The following STEAP1 variants were observed in gnomAD, a reference collection of about 807,000 sequenced individuals.
STEAP1 encodes the protein STEAP family member 1.
In STEAP1, 30 loss-of-function variants were observed where a neutral mutation model predicts 34.4. The ratio of observed to expected loss-of-function variants is 0.87; its 90% CI spans 0.65 to 1.18. STEAP1 has a LOEUF of 1.18. Among genes scored for constraint, STEAP1 ranks in the 50% most tolerant of loss-of-function variants. STEAP1 has a pLI of 0.00. For missense variants in STEAP1, 318 were observed against 391.1 expected, an observed-to-expected ratio of 0.81 and a Z score of 1.58; for synonymous variants, 116 against 135.3, an observed-to-expected ratio of 0.86 and a Z score of 0.99.
chr7:90,155,495 A>C (rs1794106979), intron 1 of STEAP1, among the ~76,000 whole-genome samples: 1 of 152,168 alleles, frequency 6.6e-6, no homozygotes, highest in African/African-American at 2.4e-5. Context: ...AATATGCTTC[A>C]CTTTTTTTAA....
intron 3 of STEAP1, 98 bp from the exon 4 acceptor site, chr7:90,161,816 G>A (rs1584193929): frequency 1.4e-6 from 2 of 1,477,870 alleles, no homozygotes; most frequent in East Asian, 2.3e-5. Context: ...CTGTTATCAG[G>A]GCTTCATAGT....
Position 90,164,597 on chromosome 7 carries a change from G to T in STEAP1, c.883G>T (p.Val295Phe). ...TACACCTCCAACTTTTATGATAGCT[G>T]TTTTCCTTCCAATTGTTGTCCTGAT... is the stretch of plus-strand genomic sequence containing the variant. ...WYTPPTFMIA[V>F]FLPIVVLIFK... The change falls in exon 5 of 5, where the codon GTT becomes TTT. Residue 295 changes from valine (V) to phenylalanine (F), a missense_variant. Val to Phe is a conservative substitution (Grantham distance 50). Transcript: ENST00000297205. 6.2e-7 allele frequency: 1 copy of T among 1,613,716 alleles called. No individual in the cohort carries two copies. Among genetic ancestry groups the T allele is most frequent in the Non-Finnish European group, 8.5e-7 (1 of 1,179,828 alleles).
chr7:90,159,507 A>G (rs536263724), intron 1 of STEAP1, among the ~76,000 whole-genome samples: 1 of 152,348 alleles, frequency 6.6e-6, no homozygotes, highest in Admixed American at 6.5e-5. Context: ...TGTAATGCAT[A>G]CAGGCACCTG....
At chr7:90,159,403 C>G (rs1054265608) in intron 1 of STEAP1, among the ~76,000 whole-genome samples, 1 of 152,184 alleles carries the variant, frequency 6.6e-6, no homozygotes, top group African/African-American at 2.4e-5. Context: ...ATAATACATT[C>G]CTAATTATAT....
chr7:90,158,359 A>G (rs1281916646), intron 1 of STEAP1, among the ~76,000 whole-genome samples: 4 of 152,204 alleles, frequency 2.6e-5, no homozygotes, highest in Admixed American at 6.5e-5. Flanking sequence ...CTTTTGTAAT[A>G]ACACTTAGCT....
intron 1 of STEAP1, among the ~76,000 whole-genome samples, chr7:90,158,281 T>C (rs1184728927): frequency 2.0e-5 from 3 of 152,074 alleles, no homozygotes; most frequent in Non-Finnish European, 4.4e-5. Flanking sequence ...ATTGAAAAAT[T>C]TTTTTCTTTA....
Position 90,157,257 on chromosome 7 carries a change from G to A in STEAP1, c.-31-2501G>A, listed in dbSNP as rs553526300. ...TCAGGGGCTCTAAATACTGAAATAT[G>A]CCGCCAGGACTCTTCTGTGTCTTTC... is the stretch of plus-strand genomic sequence containing the variant. On this transcript the variant is annotated intron_variant, in intron 1 of 4. Transcript: ENST00000297205. Among the ~76,000 whole-genome samples, 9 of 152,266 alleles carry A rather than the reference G, an allele frequency of 5.9e-5. No individual in the cohort carries two copies. In the South Asian group the frequency reaches 1.9e-3, roughly 32 times the overall value.
chr7:90,155,639 T>A (rs1188160646), intron 1 of STEAP1, among the ~76,000 whole-genome samples: 2 of 152,240 alleles, frequency 1.3e-5, no homozygotes, highest in Non-Finnish European at 2.9e-5. Flanking sequence ...TAATGTCTGA[T>A]GGAAACCAAC....
intron 4 of STEAP1, 149 bp from the exon 5 acceptor site, chr7:90,164,328 A>C (rs1387306046): frequency 3.1e-6 from 3 of 978,544 alleles, no homozygotes; most frequent in Non-Finnish European, 4.2e-6. Flanking sequence ...CAAAAAGAGT[A>C]GAAAGATGTG....
chr7:90,160,907 C>G lies in STEAP1; in HGVS notation c.187C>G (p.His63Asp), dbSNP rs374442133. ...DEFDCPSELQ[H>D]TQELFPQWHL... ...ATTTGACTGCCCTTCAGAACTTCAGCACACACAGGAACTCTTTCCACAGTG... is the reference window on the plus strand; with the variant it reads ...ATTTGACTGCCCTTCAGAACTTCAGGACACACAGGAACTCTTTCCACAGTG... Residue 63 changes from histidine to aspartate, a missense_variant, in exon 3 of 5, where the codon CAC (histidine) becomes GAC (aspartate). Coordinates refer to ENST00000297205, the MANE Select transcript of STEAP1 (RefSeq NM_012449.3). 29 of 1,613,924 alleles carry G rather than the reference C, an allele frequency of 1.8e-5. No homozygotes were observed. The highest frequency in any genetic ancestry group is 3.4e-6 in the Non-Finnish European group (4 of 1,179,882).
intron 1 of STEAP1, 114 bp from the exon 2 acceptor site, chr7:90,159,644 T>C: frequency 2.2e-6 from 1 of 457,060 alleles, no homozygotes; most frequent in East Asian, 4.3e-5. Context: ...TCCATTTTTA[T>C]TGTATTTTAT....
At chr7:90,159,904 T>C in intron 2 of STEAP1, 32 bp downstream of exon 2, 1 of 1,367,078 alleles carries the variant, frequency 7.3e-7, no homozygotes, top group Non-Finnish European at 9.8e-7. Context: ...TAATAAATAA[T>C]AATTTACATC....
At chr7:90,158,967 T>C (rs186709186) in intron 1 of STEAP1, among the ~76,000 whole-genome samples, 5 of 152,336 alleles carry the variant, frequency 3.3e-5, no homozygotes, top group Non-Finnish European at 1.5e-5. Context: ...GTTTTTCTCA[T>C]TGAATTTCAT....
At chr7:90,160,500 G>A (rs1794168416) in intron 2 of STEAP1, among the ~76,000 whole-genome samples, 2 of 149,196 alleles carry the variant, frequency 1.3e-5, no homozygotes, top group African/African-American at 2.5e-5. Flanking sequence ...ATTTTAATAG[G>A]GAAAAGTAAT....
chr7:90,159,814 A>G lies in STEAP1; in HGVS notation c.26A>G (p.Asn9Ser), dbSNP rs763735952. The G allele has an allele frequency of 6.4e-7, 1 of 1,566,164 alleles. No homozygotes were observed. The highest frequency in any genetic ancestry group is 8.6e-7 in the Non-Finnish European group (1 of 1,158,246). The change falls in exon 2 of 5, where the codon AAC (asparagine) becomes AGC (serine). Residue 9 changes from asparagine (N) to serine (S), a missense_variant. By Grantham distance (46) the Asn-to-Ser change is conservative. Transcript: ENST00000297205. Reference sequence around the variant, plus strand: ...ATGGAAAGCAGAAAAGACATCACAAACCAAGAAGAACTTTGGAAAATGAAG... The same window carrying G: ...ATGGAAAGCAGAAAAGACATCACAAGCCAAGAAGAACTTTGGAAAATGAAG... MESRKDITNQEELWKMKPR... is the reference protein window; with the variant it reads MESRKDITSQEELWKMKPR...
chr7:90,155,782 T>C (rs186337342), intron 1 of STEAP1, among the ~76,000 whole-genome samples: 3 of 152,284 alleles, frequency 2.0e-5, no homozygotes, highest in South Asian at 2.1e-4. Flanking sequence ...CTCCTTACCA[T>C]GCAGACAAAT....
chr7:90,160,254 C>G (rs1270762125), intron 2 of STEAP1, among the ~76,000 whole-genome samples: 1 of 151,464 alleles, frequency 6.6e-6, no homozygotes, highest in Non-Finnish European at 1.5e-5. Flanking sequence ...TGTAAGCAAG[C>G]ATTTTTGTCA....
At chr7:90,161,340 G>C in intron 3 of STEAP1, 23 bp downstream of exon 3, 1 of 1,581,540 alleles carries the variant, frequency 6.3e-7, no homozygotes, top group Non-Finnish European at 8.6e-7. Context: ...TGTTGACACT[G>C]TTACTAATAA....
intron 1 of STEAP1, among the ~76,000 whole-genome samples, chr7:90,154,780 A>G (rs967760083): frequency 2.0e-5 from 3 of 152,100 alleles, no homozygotes; most frequent in Non-Finnish European, 4.4e-5. Flanking sequence ...GGTTGGGGAG[A>G]GCCAGGGACT....
Sources: gnomAD v4.1 joint callset for allele counts (sites outside exome capture counted in the v4.1 genomes callset) on GRCh38, gnomAD v4.1.1 for gene constraint, MANE v1.5 for transcripts, NCBI Gene and HGNC (gene_info 2026-07-23, HGNC 2026-07-21) for gene names.